SORBS2: variants seen among roughly 807,000 people sequenced by gnomAD.
The protein encoded by SORBS2 is sorbin and SH3 domain containing 2, also known as sorbin and SH3 domain-containing protein 2.
Under a neutral mutation model 97.7 loss-of-function variants are expected in SORBS2, and 46 were observed. The observed-to-expected ratio is 0.47, with a 90% confidence interval of 0.37 to 0.60. The LOEUF (loss-of-function observed/expected upper bound fraction) is 0.60, where lower values mean the gene tolerates loss of function less well. SORBS2 is among the 20% of genes least tolerant of loss of function. The probability of loss-of-function intolerance (pLI) is 0.00; values close to 1 mark genes in which losing one functional copy is unlikely to be tolerated. For missense variants in SORBS2, 1,316 were observed against 1,282.3 expected (o/e 1.03, Z -0.40); for synonymous variants, 476 against 473.4 (o/e 1.01, Z -0.07).
chr4:185,723,612 T>C (rs1231107017), intron 2 of SORBS2, among the ~76,000 whole-genome samples: 1 of 152,226 alleles, frequency 6.6e-6, no homozygotes, highest in East Asian at 1.9e-4. Context: ...TTTCCAGTAT[T>C]TGTTAAGGCA....
intron 1 of SORBS2, among the ~76,000 whole-genome samples, chr4:185,855,233 G>A (rs79822904): frequency 2.0e-5 from 3 of 152,180 alleles, no homozygotes; most frequent in African/African-American, 4.8e-5. Context: ...CTCTGAAGGC[G>A]TCAGGTTTAT....
chr4:185,901,405 T>C (rs751233133), intron 1 of SORBS2, among the ~76,000 whole-genome samples: 3 of 152,146 alleles, frequency 2.0e-5, no homozygotes, highest in Non-Finnish European at 2.9e-5. Context: ...GGTTTCTCCA[T>C]GGTGGTCAGG....
intron 1 of SORBS2, among the ~76,000 whole-genome samples, chr4:185,905,111 AAAAGAAAG>A (rs1216644377): frequency 7.9e-4 from 120 of 151,594 alleles, no homozygotes; most frequent in Non-Finnish European, 1.4e-3. Flanking sequence ...TCAAAAAAAA[AAAAGAAAG>A]AAAGAAAGAA....
chr4:185,852,168 A>C (rs1475030765), intron 1 of SORBS2, among the ~76,000 whole-genome samples: 1 of 152,170 alleles, frequency 6.6e-6, no homozygotes, highest in Non-Finnish European at 1.5e-5. Context: ...ATCCCTGTAA[A>C]CATCCCCAGG....
chr4:185,738,832 T>G (rs757698253), intron 2 of SORBS2, among the ~76,000 whole-genome samples: 2 of 152,222 alleles, frequency 1.3e-5, no homozygotes, highest in African/African-American at 2.4e-5. Context: ...CAAGTCTCCC[T>G]TTTTTTCACT....
chr4:185,720,693 A>C (rs1050856829), intron 2 of SORBS2, among the ~76,000 whole-genome samples: 1 of 152,132 alleles, frequency 6.6e-6, no homozygotes, highest in South Asian at 2.1e-4. Context: ...CAGTTTGCAA[A>C]TTATATTTTG....
chr4:185,747,305 T>C (rs2098768169), intron 2 of SORBS2, among the ~76,000 whole-genome samples: 1 of 152,212 alleles, frequency 6.6e-6, no homozygotes, highest in Non-Finnish European at 1.5e-5. Context: ...CAGTCTGTGG[T>C]ACTTTGTTAT....
intron 1 of SORBS2, among the ~76,000 whole-genome samples, chr4:185,910,725 G>A (rs370805838): frequency 6.6e-6 from 1 of 152,068 alleles, no homozygotes; most frequent in African/African-American, 2.4e-5. Flanking sequence ...GCAGGCATGA[G>A]CCAGCACATC....
chr4:185,866,339 C>A (rs2099226864), intron 1 of SORBS2, among the ~76,000 whole-genome samples: 1 of 152,202 alleles, frequency 6.6e-6, no homozygotes, highest in Admixed American at 6.5e-5. Flanking sequence ...AATTCACTTA[C>A]CCTAATTGTT....
At chr4:185,690,499 T>A (rs2098073224) in intron 2 of SORBS2, 63 bp downstream of exon 4, 12 of 1,092,258 alleles carry the variant, frequency 1.1e-5, no homozygotes, top group Non-Finnish European at 1.6e-5. Flanking sequence ...AACTAATGAT[T>A]TAGGGCCAAC....
chr4:185,689,624 C>A, intron 2 of SORBS2, among the ~76,000 whole-genome samples: 1 of 152,192 alleles, frequency 6.6e-6, no homozygotes, highest in Non-Finnish European at 1.5e-5. Context: ...GAGGCCACTA[C>A]GGCACATGGC....
intron 2 of SORBS2, among the ~76,000 whole-genome samples, chr4:185,751,598 C>T (rs2098800636): frequency 6.6e-6 from 1 of 152,096 alleles, no homozygotes; most frequent in Admixed American, 6.5e-5. Context: ...ATGGTGAAGG[C>T]ACCACTCCAA....
chr4:185,637,176 A>T (rs1045268640), intron 4 of SORBS2, among the ~76,000 whole-genome samples: 3 of 152,234 alleles, frequency 2.0e-5, no homozygotes, highest in Non-Finnish European at 4.4e-5. Context: ...CCTATATATG[A>T]TGGTGGTCCT....
chr4:185,690,748 A>G (rs1355844267), intron 2 of SORBS2, 137 bp from the exon 4 acceptor site: 2 of 465,132 alleles, frequency 4.3e-6, no homozygotes, highest in Admixed American at 3.4e-5. Flanking sequence ...TCAGTGTTTA[A>G]TAAGGTAGGA....
chr4:185,823,860 G>T (rs1055588355), intron 1 of SORBS2, among the ~76,000 whole-genome samples: 1 of 152,096 alleles, frequency 6.6e-6, no homozygotes, highest in East Asian at 1.9e-4. Context: ...GTTTGTCTGC[G>T]GTTCGATAAA....
At chr4:185,665,853 C>CA (rs1160247643) in intron 4 of SORBS2, 5 of 1,161,648 alleles carry the variant, frequency 4.3e-6, no homozygotes, top group Non-Finnish European at 5.4e-6. Flanking sequence ...GCAGCTCCTC[C>CA]AGCATGGCTG....
At chr4:185,709,365 C>G (rs927500783) in intron 2 of SORBS2, among the ~76,000 whole-genome samples, 1 of 131,530 alleles carries the variant, frequency 7.6e-6, no homozygotes, top group African/African-American at 2.8e-5. Context: ...AATAAAGAAA[C>G]TTACATTTTG....
chr4:185,729,418 AC>A (rs1442402613), intron 2 of SORBS2, among the ~76,000 whole-genome samples: 1 of 152,216 alleles, frequency 6.6e-6, no homozygotes, highest in African/African-American at 2.4e-5. Context: ...TGAATAAGTA[AC>A]AAGGGGAACT....
chr4:185,804,271 T>C (rs2099143490), intron 1 of SORBS2, among the ~76,000 whole-genome samples: 1 of 152,202 alleles, frequency 6.6e-6, no homozygotes, highest in South Asian at 2.1e-4. Flanking sequence ...TCCTTGGGTG[T>C]GAATTTTATT....
Sources: allele counts gnomAD v4.1 joint callset (sites outside exome capture counted in the v4.1 genomes callset), GRCh38; gene constraint gnomAD v4.1.1; transcripts MANE v1.5; gene names NCBI Gene and HGNC (gene_info 2026-07-23, HGNC 2026-07-21).